The following XRCC4 variants were observed in gnomAD, a reference collection of about 807,000 sequenced individuals.
XRCC4 encodes DNA repair protein XRCC4.
In XRCC4, 28 loss-of-function variants were observed where a neutral mutation model predicts 39.1. That is an observed-to-expected ratio of 0.72 (90% CI 0.53 to 0.98). The LOEUF is 0.98. XRCC4 is among the 50% of genes least tolerant of loss of function. The probability of loss-of-function intolerance (pLI) is 0.00; values close to 1 mark genes in which losing one functional copy is unlikely to be tolerated. For synonymous variants in XRCC4, 123 were observed against 126.4 expected (o/e 0.97, Z 0.18); for missense variants, 350 against 376.4 (o/e 0.93, Z 0.58).
chr5:83,295,545 C>T (rs755481556), intron 7 of XRCC4, among the ~76,000 whole-genome samples: 1 of 151,950 alleles, frequency 6.6e-6, no homozygotes, highest in Non-Finnish European at 1.5e-5. Context: ...GTAAGATGGT[C>T]AGGAAGGACT....
At chr5:83,344,415 CTTTTT>C (rs70973394) in intron 7 of XRCC4, among the ~76,000 whole-genome samples, 9 of 115,232 alleles carry the variant, frequency 7.8e-5, no homozygotes, top group East Asian at 2.5e-4. Flanking sequence ...TTATTTTTCA[CTTTTT>C]TTTTTTTTTT....
downstream of XRCC4, among the ~76,000 whole-genome samples, chr5:83,354,741 C>A (rs759310721): frequency 3.9e-5 from 6 of 152,124 alleles, no homozygotes; most frequent in South Asian, 2.1e-4. Flanking sequence ...TTGCTTCAAG[C>A]TAAAAACCCA....
At chr5:83,216,145 T>A (rs190855103) in intron 6 of XRCC4, among the ~76,000 whole-genome samples, 75 of 152,154 alleles carry the variant, frequency 4.9e-4, no homozygotes, top group African/African-American at 1.8e-3. Context: ...GGTCAAAAAA[T>A]TTGCAAAAGA....
At chr5:83,307,320 G>C (rs1755525445) in intron 7 of XRCC4, among the ~76,000 whole-genome samples, 1 of 152,224 alleles carries the variant, frequency 6.6e-6, no homozygotes, top group Non-Finnish European at 1.5e-5. Flanking sequence ...TTCTATCTAT[G>C]GCCCTTCCAT....
chr5:83,364,485 T>C, the XRCC4 span, among the ~76,000 whole-genome samples: 1 of 152,166 alleles, frequency 6.6e-6, no homozygotes, highest in African/African-American at 2.4e-5. Flanking sequence ...TTGAAAATAA[T>C]CAGATTTTCT....
chr5:83,171,858 C>G (rs1749742007), intron 3 of XRCC4, among the ~76,000 whole-genome samples: 1 of 152,144 alleles, frequency 6.6e-6, no homozygotes, highest in Non-Finnish European at 1.5e-5. Flanking sequence ...TTTATGCATT[C>G]ATGCTAAGCC....
chr5:83,177,401 A>G (rs1044176791), intron 3 of XRCC4, among the ~76,000 whole-genome samples: 1 of 151,788 alleles, frequency 6.6e-6, no homozygotes, highest in Admixed American at 6.6e-5. Flanking sequence ...GTAAAGCAGT[A>G]ACACTATCAG....
At chr5:83,103,007 C>T (rs1284140260) in intron 1 of XRCC4, among the ~76,000 whole-genome samples, 1 of 18,554 alleles carries the variant, frequency 5.4e-5, no homozygotes, top group Non-Finnish European at 9.2e-5. Flanking sequence ...AAAGATAGAG[C>T]TGATATATAT....
intron 4 of XRCC4, among the ~76,000 whole-genome samples, chr5:83,200,205 G>A (rs1751127229): frequency 6.6e-6 from 1 of 152,170 alleles, no homozygotes; most frequent in Admixed American, 6.5e-5. Context: ...TTGGATAAAA[G>A]GATAGCATTC....
At chr5:83,321,949 A>G (rs1402427688) in intron 7 of XRCC4, among the ~76,000 whole-genome samples, 1 of 150,970 alleles carries the variant, frequency 6.6e-6, no homozygotes, top group Non-Finnish European at 1.5e-5. Flanking sequence ...GTTGATTTAT[A>G]TGAATTAAGG....
chr5:83,271,530 G>A (rs1437185177), intron 7 of XRCC4, among the ~76,000 whole-genome samples: 1 of 151,896 alleles, frequency 6.6e-6, no homozygotes, highest in Non-Finnish European at 1.5e-5. Context: ...ATGCTTTGTG[G>A]GACAGTAAGA....
chr5:83,153,113 A>C (rs1429264460), intron 3 of XRCC4, among the ~76,000 whole-genome samples: 2 of 152,190 alleles, frequency 1.3e-5, no homozygotes, highest in African/African-American at 4.8e-5. Flanking sequence ...CTATCAGTGG[A>C]ATCACAGAGC....
chr5:83,344,926 C>T (rs1331029258), intron 7 of XRCC4, among the ~76,000 whole-genome samples: 2 of 152,144 alleles, frequency 1.3e-5, no homozygotes, highest in Non-Finnish European at 1.5e-5. Flanking sequence ...TATTATTGTA[C>T]ATTTTAATTT....
chr5:83,227,256 C>A (rs1364525093), intron 6 of XRCC4, among the ~76,000 whole-genome samples: 1 of 152,060 alleles, frequency 6.6e-6, no homozygotes, highest in African/African-American at 2.4e-5. Flanking sequence ...CTCATTGCAC[C>A]TAGTTCATTC....
intron 6 of XRCC4, among the ~76,000 whole-genome samples, chr5:83,255,186 G>A (rs902582837): frequency 6.2e-4 from 95 of 152,084 alleles, no homozygotes; most frequent in Non-Finnish European, 4.4e-5. Context: ...TTTTATCCTG[G>A]TTTCAGGGTG....
At position 83,309,755 on chromosome 5, in the gene XRCC4, C is replaced by CAAA. The variant is rs10597317; in HGVS notation, c.894-43352_894-43350dup. 5.1e-4 allele frequency among the ~76,000 whole-genome samples: 40 copies of CAAA among 79,060 alleles called. 1 individual carries two copies. Among genetic ancestry groups the CAAA allele is most frequent in the East Asian group, 4.4e-3 (9 of 2,036 alleles). The allele number at this position is 79,060 out of a possible 152,430, so 51.9% of individuals were successfully genotyped here. ...CTGGGCGACAGAGTGAGACCCGTCT[C>CAAA]AAAAAAAAAAAAAAAAAAAAAAAAA... On this transcript the variant is annotated intron_variant, in intron 7 of 7. Coordinates refer to ENST00000396027, the MANE Select transcript of XRCC4 (RefSeq NM_003401.5).
intron 6 of XRCC4, among the ~76,000 whole-genome samples, chr5:83,212,868 A>G (rs1261473778): frequency 6.7e-6 from 1 of 149,718 alleles, no homozygotes; most frequent in Non-Finnish European, 1.5e-5. Flanking sequence ...TGGAGGTTGC[A>G]GTGAGTCAAG....
intron 3 of XRCC4, among the ~76,000 whole-genome samples, chr5:83,184,375 C>A (rs1750340712): frequency 6.6e-6 from 1 of 151,622 alleles, no homozygotes; most frequent in Admixed American, 6.6e-5. Context: ...TTTAACCAAT[C>A]ATGCTATTTC....
At chr5:83,248,442 TAGAC>T (rs1329362755) in intron 6 of XRCC4, among the ~76,000 whole-genome samples, 1 of 152,170 alleles carries the variant, frequency 6.6e-6, no homozygotes, top group Non-Finnish European at 1.5e-5. Context: ...GGATAATTAT[TAGAC>T]AGATCTAAGA....
Sources: allele counts gnomAD v4.1 joint callset (sites outside exome capture counted in the v4.1 genomes callset), GRCh38; gene constraint gnomAD v4.1.1; transcripts MANE v1.5; gene names NCBI Gene and HGNC (gene_info 2026-07-23, HGNC 2026-07-21).